SGK1: variants seen among roughly 807,000 people sequenced by gnomAD.
The protein encoded by SGK1 is serum/glucocorticoid regulated kinase 1.
A neutral mutation model predicts 64.2 loss-of-function variants in SGK1; 26 were observed. The observed-to-expected ratio is 0.40, with a 90% confidence interval of 0.30 to 0.56. SGK1 has a LOEUF of 0.56. SGK1 is among the 20% of genes least tolerant of loss of function. The pLI, the probability that SGK1 is intolerant of heterozygous loss-of-function variation, is 0.38. For synonymous variants in SGK1, 265 were observed against 239.7 expected (o/e 1.11, Z -0.98); for missense variants, 519 against 645.6 (o/e 0.80, Z 2.12).
At chr6:134,251,482 C>A (rs956989903) in intron 2 of SGK1, among the ~76,000 whole-genome samples, 16 of 152,268 alleles carry the variant, frequency 1.1e-4, no homozygotes, top group African/African-American at 3.6e-4. Context: ...ATATGCTCAA[C>A]CCCAAGGGTA....
intron 1 of SGK1, chr6:134,297,976 T>G (rs767592135): frequency 7.2e-5 from 59 of 817,242 alleles, no homozygotes; most frequent in Non-Finnish European, 1.2e-4. Flanking sequence ...GAGCGGCTGT[T>G]GTCCATGGAC....
chr6:134,229,888 A>C (rs899699527), intron 2 of SGK1, among the ~76,000 whole-genome samples: 2 of 152,110 alleles, frequency 1.3e-5, no homozygotes, highest in Non-Finnish European at 2.9e-5. Context: ...TAAAAAGAAA[A>C]CATCTTGTTT....
intron 2 of SGK1, chr6:134,230,548 T>A (rs1172378732): frequency 5.4e-5 from 8 of 148,142 alleles, no homozygotes; most frequent in African/African-American, 1.7e-4. Flanking sequence ...TGGTGAGAAT[T>A]CACTCACTAT....
chr6:134,189,985 G>T (rs892778082), intron 3 of SGK1, among the ~76,000 whole-genome samples: 1 of 152,138 alleles, frequency 6.6e-6, no homozygotes, highest in Non-Finnish European at 1.5e-5. Context: ...GAGTAGCTGG[G>T]ATTACAAGCA....
Position 134,251,162 on chromosome 6 carries a change from C to T in SGK1, c.285+10771G>A, listed in dbSNP as rs575856605. ...TGTTACTTGGTAAATTAAATTCTAT[C>T]ATTTCAATTAACAACCCAAGAAAAA... On this transcript the variant is annotated intron_variant, in intron 2 of 13. Coordinates refer to ENST00000367858, the MANE Select transcript of SGK1 (RefSeq NM_001143676.3). Among the ~76,000 whole-genome samples the T allele has an allele frequency of 3.9e-5, 6 of 152,164 alleles. No individual in the cohort carries two copies. In the East Asian group the frequency reaches 1.2e-3, roughly 29 times the overall value.
rs189014134 is a variant in SGK1 at position 134,278,281 on chromosome 6, A to G, written c.70-16133T>C. On this transcript the variant is annotated intron_variant, in intron 1 of 13. Coordinates refer to ENST00000367858, the MANE Select transcript of SGK1 (RefSeq NM_001143676.3). ...TCCATTAGATAAATAAACAAACGCA[A>G]AAAATCCACAAGGCTTTTAAGATAA... Among the ~76,000 whole-genome samples, 53 of 152,388 alleles carry G rather than the reference A, an allele frequency of 3.5e-4. 2 individuals carry two copies. The highest frequency in any genetic ancestry group is 1.2e-3 in the African/African-American group (51 of 41,596).
chr6:134,209,449 C>T (rs1775850300), intron 2 of SGK1, among the ~76,000 whole-genome samples: 1 of 151,978 alleles, frequency 6.6e-6, no homozygotes, highest in South Asian at 2.1e-4. Flanking sequence ...AACAAACAAA[C>T]AAACAATCAA....
intron 1 of SGK1, among the ~76,000 whole-genome samples, chr6:134,307,395 T>C (rs1445480269): frequency 6.6e-6 from 1 of 152,214 alleles, no homozygotes. Context: ...AAAGCAATTA[T>C]ATTGACGTTC....
chr6:134,268,105 C>T lies in SGK1; in HGVS notation c.70-5957G>A, dbSNP rs531615910. Among the ~76,000 whole-genome samples, 254 of 152,330 alleles carry T rather than the reference C, an allele frequency of 1.7e-3. 1 individual carries two copies. The highest frequency in any genetic ancestry group is 5.9e-3 in the African/African-American group (247 of 41,586). ...GAGTTAGGCAAGGTGCCCTTCAAAACTGCTGAGTAGAGAAATCCTCCCACG... is the reference window on the plus strand; with the variant it reads ...GAGTTAGGCAAGGTGCCCTTCAAAATTGCTGAGTAGAGAAATCCTCCCACG... On this transcript the variant is annotated intron_variant, in intron 1 of 13. Transcript: ENST00000367858.
intron 2 of SGK1, among the ~76,000 whole-genome samples, chr6:134,229,988 A>G (rs1024991149): frequency 3.3e-5 from 5 of 152,206 alleles, no homozygotes; most frequent in Admixed American, 6.5e-5. Flanking sequence ...TATATGCAAA[A>G]AATAAAATAA....
chr6:134,278,554 T>C (rs1777049794), intron 1 of SGK1, among the ~76,000 whole-genome samples: 1 of 152,216 alleles, frequency 6.6e-6, no homozygotes, highest in Non-Finnish European at 1.5e-5. Context: ...CAAAAACAGC[T>C]TTCCTCCAAA....
At chr6:134,260,158 T>A (rs1191471929) in intron 2 of SGK1, 1 of 151,310 alleles carries the variant, frequency 6.6e-6, no homozygotes, top group Admixed American at 6.6e-5. Context: ...CTGGTCAGTA[T>A]GACAACACCC....
chr6:134,229,181 A>G, intron 2 of SGK1, among the ~76,000 whole-genome samples: 1 of 152,242 alleles, frequency 6.6e-6, no homozygotes, highest in East Asian at 1.9e-4. Flanking sequence ...CAGAAGAGAG[A>G]TACTAGGGAG....
intron 2 of SGK1, among the ~76,000 whole-genome samples, chr6:134,219,567 C>G (rs890831424): frequency 6.6e-6 from 1 of 151,666 alleles, no homozygotes; most frequent in Non-Finnish European, 1.5e-5. Flanking sequence ...TCGAGACCAG[C>G]CTGACCAACA....
chr6:134,187,892 G>A (rs1562244722), intron 3 of SGK1, among the ~76,000 whole-genome samples: 1 of 152,300 alleles, frequency 6.6e-6, no homozygotes, highest in South Asian at 2.1e-4. Context: ...ATCAGCCTGC[G>A]ACCAGGTGGC....
chr6:134,284,542 A>G, intron 1 of SGK1, among the ~76,000 whole-genome samples: 1 of 150,240 alleles, frequency 6.7e-6, no homozygotes, highest in Non-Finnish European at 1.5e-5. Flanking sequence ...CTGGAGTACA[A>G]TGGAATGATC....
intron 5 of SGK1, 170 bp from the exon 6 acceptor site, chr6:134,173,736 GCA>G (rs1370973085): frequency 1.1e-5 from 7 of 609,410 alleles, no homozygotes; most frequent in Admixed American, 6.7e-5. Flanking sequence ...TATGGAAACT[GCA>G]CACAGTCATG....
rs766612840 is a variant in SGK1, at chr6:134,174,539, T to C, written c.409A>G (p.Ile137Val). 5.6e-6 allele frequency: 9 copies of C among 1,613,728 alleles called. No homozygotes were observed. The African/African-American group carries it at 1.1e-4, about 19-fold the overall frequency. ...RMGLNDFIQK[I>V]ANNSYACKHP... ...TTGCATGCATAGGAGTTATTGGCAATCTTCTGAATAAAGTCGTTCAGACCC... is the reference window on the plus strand; with the variant it reads ...TTGCATGCATAGGAGTTATTGGCAACCTTCTGAATAAAGTCGTTCAGACCC... Residue 137 changes from isoleucine (I) to valine (V), a missense_variant, in exon 4 of 14, where the codon ATT becomes GTT. Physicochemically the swap from Ile to Val is conservative, Grantham distance 29. Transcript: ENST00000367858.
intron 1 of SGK1, among the ~76,000 whole-genome samples, chr6:134,295,618 G>A (rs913747013): frequency 2.2e-4 from 34 of 151,954 alleles, no homozygotes; most frequent in South Asian, 6.2e-4. Flanking sequence ...CAGGAGGATC[G>A]CTTGAACCTG....
Sources: allele counts gnomAD v4.1 joint callset (sites outside exome capture counted in the v4.1 genomes callset), GRCh38; gene constraint gnomAD v4.1.1; transcripts MANE v1.5; gene names NCBI Gene and HGNC (gene_info 2026-07-23, HGNC 2026-07-21).